The following CDH12 variants were observed in gnomAD, a reference collection of about 807,000 sequenced individuals.
The protein encoded by CDH12 is cadherin-12.
CDH12 carries 41 observed loss-of-function variants against 74.1 expected under a neutral mutation model. The ratio of observed to expected loss-of-function variants is 0.55; its 90% CI spans 0.43 to 0.72. CDH12 has a LOEUF of 0.72. CDH12 is among the 30% of genes least tolerant of loss of function. The pLI is 0.00. For missense variants in CDH12, 945 were observed against 977.2 expected (o/e 0.97, Z 0.44); for synonymous variants, 399 against 355.0 (o/e 1.12, Z -1.39).
intron 5 of CDH12, among the ~76,000 whole-genome samples, chr5:22,046,394 C>A (rs1739952722): frequency 6.7e-6 from 1 of 148,620 alleles, no homozygotes; most frequent in Non-Finnish European, 1.5e-5. Flanking sequence ...TAGCTACTAC[C>A]TTTATAAATT....
At chr5:21,776,441 C>T (rs1383918488) in intron 11 of CDH12, among the ~76,000 whole-genome samples, 1 of 152,128 alleles carries the variant, frequency 6.6e-6, no homozygotes, top group South Asian at 2.1e-4. Flanking sequence ...CTTCTAAGTT[C>T]CTGCACTCTT....
At chr5:22,775,554 G>T (rs976024920) in intron 1 of CDH12, among the ~76,000 whole-genome samples, 1 of 151,070 alleles carries the variant, frequency 6.6e-6, no homozygotes, top group African/African-American at 2.4e-5. Flanking sequence ...AAATATAATT[G>T]GGCAACAAAA....
rs543885687 is a variant in CDH12 at position 22,353,206 on chromosome 5, A to T, written c.-333+52051T>A. ...CCATTCTAGAAAAACAAAACCACAT[A>T]ATTGATTTTAAAATTTTGTGAAAAT... On this transcript the variant is annotated intron_variant, in intron 3 of 14. Coordinates refer to ENST00000382254, the MANE Select transcript of CDH12 (RefSeq NM_004061.5). 2.0e-5 allele frequency among the ~76,000 whole-genome samples: 3 copies of T among 152,342 alleles called. No individual in the cohort carries two copies. The South Asian group carries it at 6.2e-4, about 32-fold the overall frequency.
rs149358577 is a variant in CDH12, at chr5:22,132,439, C to T, written c.-186-53577G>A. The stretch of plus-strand genomic sequence containing the variant: ...TTAGATACTTGCCACAGTTATATTA[C>T]GCATCCACGATTTTAAGATGTTGCT... On this transcript the variant is annotated intron_variant, in intron 4 of 14. Coordinates refer to ENST00000382254, the MANE Select transcript of CDH12 (RefSeq NM_004061.5). Among the ~76,000 whole-genome samples, 301 of 152,002 alleles carry T rather than the reference C, an allele frequency of 2.0e-3. 1 individual carries two copies. Among genetic ancestry groups the T allele is most frequent in the African/African-American group, 6.5e-3 (268 of 41,458 alleles).
intron 4 of CDH12, among the ~76,000 whole-genome samples, chr5:22,159,594 A>C (rs1748210299): frequency 3.3e-5 from 5 of 152,190 alleles, no homozygotes; most frequent in Admixed American, 3.3e-4. Flanking sequence ...TTTACCCACC[A>C]AATAAAATTT....
At position 22,661,765 on chromosome 5, in the gene CDH12, A is replaced by G. The variant is rs568742391; in HGVS notation, c.-522-156401T>C. ...TTAGGCCACTCTGCCATTTACTGTAAGAAAGCTGGCCAGAAATTAGATTCG... is the reference window on the plus strand; with the variant it reads ...TTAGGCCACTCTGCCATTTACTGTAGGAAAGCTGGCCAGAAATTAGATTCG... On this transcript the variant is annotated intron_variant, in intron 1 of 14. Coordinates refer to ENST00000382254, the MANE Select transcript of CDH12 (RefSeq NM_004061.5). Among the ~76,000 whole-genome samples the G allele has an allele frequency of 3.9e-5, 6 of 152,288 alleles. No individual in the cohort carries two copies. The South Asian group carries it at 1.2e-3, about 32-fold the overall frequency.
At chr5:22,195,897 C>G (rs957122637) in intron 4 of CDH12, among the ~76,000 whole-genome samples, 1 of 152,116 alleles carries the variant, frequency 6.6e-6, no homozygotes, top group African/African-American at 2.4e-5. Context: ...CTCTTTCTTT[C>G]TCTCTTTCAT....
intron 12 of CDH12, among the ~76,000 whole-genome samples, chr5:21,761,780 T>TAGATAGAC (rs1744740825): frequency 1.3e-5 from 2 of 152,016 alleles, no homozygotes; most frequent in South Asian, 2.1e-4. Flanking sequence ...GATAGATAGA[T>TAGATAGAC]AGATGATAGA....
intron 2 of CDH12, among the ~76,000 whole-genome samples, chr5:22,417,066 T>G (rs1009985846): frequency 1.3e-5 from 2 of 152,232 alleles, no homozygotes; most frequent in Admixed American, 1.3e-4. Flanking sequence ...TTCTTTTGAT[T>G]CTTTTATCTC....
intron 9 of CDH12, among the ~76,000 whole-genome samples, chr5:21,808,728 T>C (rs185315905): frequency 2.6e-5 from 4 of 152,212 alleles, no homozygotes; most frequent in East Asian, 1.9e-4. Flanking sequence ...ATGATCAATA[T>C]AGTAGTCAAT....
chr5:22,418,862 C>T (rs1743511671), intron 2 of CDH12, among the ~76,000 whole-genome samples: 1 of 151,910 alleles, frequency 6.6e-6, no homozygotes, highest in African/African-American at 2.4e-5. Flanking sequence ...CCAGCCTGGG[C>T]TACAAGAGTG....
intron 4 of CDH12, among the ~76,000 whole-genome samples, chr5:22,098,552 G>T (rs4631144): frequency 0.21 from 32,382 of 152,020 alleles, 4,242 homozygotes; most frequent in African/African-American, 0.37. Context: ...CAACTCACTC[G>T]CTACAGTTCT....
intron 7 of CDH12, among the ~76,000 whole-genome samples, chr5:21,847,192 A>G (rs112654635): frequency 0.023 from 3,500 of 152,132 alleles, 80 homozygotes; most frequent in Middle Eastern, 0.088. Context: ...TCCCTCCCTC[A>G]TTCACTGCAG....
intron 1 of CDH12, among the ~76,000 whole-genome samples, chr5:22,729,470 A>G (rs2127001682): frequency 6.6e-6 from 1 of 151,952 alleles, no homozygotes; most frequent in East Asian, 1.9e-4. Context: ...TAGTGATCTT[A>G]ATTATATCTG....
At chr5:22,793,517 C>T (rs575753987) in intron 1 of CDH12, among the ~76,000 whole-genome samples, 5 of 152,274 alleles carry the variant, frequency 3.3e-5, no homozygotes, top group Admixed American at 1.3e-4. Context: ...CTGTCTCTTA[C>T]GTGGTTTTGA....
intron 5 of CDH12, among the ~76,000 whole-genome samples, chr5:22,022,681 A>T (rs1738066406): frequency 6.6e-6 from 1 of 152,136 alleles, no homozygotes; most frequent in African/African-American, 2.4e-5. Flanking sequence ...AGACATTTAA[A>T]TATTAAAGCC....
chr5:22,412,593 G>C (rs920654884), intron 2 of CDH12, among the ~76,000 whole-genome samples: 4 of 151,740 alleles, frequency 2.6e-5, no homozygotes, highest in Non-Finnish European at 1.5e-5. Flanking sequence ...ACAATCATAA[G>C]AAAGATTGTG....
intron 3 of CDH12, among the ~76,000 whole-genome samples, chr5:22,280,564 A>G (rs919986582): frequency 6.6e-6 from 1 of 152,228 alleles, no homozygotes; most frequent in Non-Finnish European, 1.5e-5. Context: ...CCACAGGAAT[A>G]CAAACTACCA....
intron 3 of CDH12, among the ~76,000 whole-genome samples, chr5:22,284,105 C>T (rs1737032970): frequency 1.3e-5 from 2 of 152,034 alleles, no homozygotes; most frequent in Admixed American, 6.6e-5. Flanking sequence ...CAAATAAAAA[C>T]CTCGATGTGA....
Sources: gnomAD v4.1 joint callset for allele counts (sites outside exome capture counted in the v4.1 genomes callset) on GRCh38, gnomAD v4.1.1 for gene constraint, MANE v1.5 for transcripts, NCBI Gene and HGNC (gene_info 2026-07-23, HGNC 2026-07-21) for gene names.